Variants in TACC2 observed in about 807,000 individuals in gnomAD.
The protein encoded by TACC2 is transforming acidic coiled-coil-containing protein 2.
A neutral mutation model predicts 227.3 loss-of-function variants in TACC2; 137 were observed. The observed-to-expected ratio is 0.60, with a 90% CI of 0.52 to 0.69. The LOEUF (loss-of-function observed/expected upper bound fraction) is 0.69, where lower values mean the gene tolerates loss of function less well. TACC2 is among the 30% of genes least tolerant of loss of function. TACC2 has a pLI of 0.00. For missense variants in TACC2, 3,470 were observed against 3,694.4 expected, an observed-to-expected ratio of 0.94 and a Z score of 1.57; for synonymous variants, 1,523 against 1,487.5, an observed-to-expected ratio of 1.02 and a Z score of -0.55.
intron 3 of TACC2, among the ~76,000 whole-genome samples, chr10:122,081,178 C>T (rs748314554): frequency 7.9e-5 from 12 of 151,876 alleles, no homozygotes; most frequent in Non-Finnish European, 1.6e-4. Flanking sequence ...TTTTTTCCTA[C>T]ATTTTCCACA....
At chr10:122,128,624 T>C (rs2087354349) in intron 5 of TACC2, among the ~76,000 whole-genome samples, 2 of 152,286 alleles carry the variant, frequency 1.3e-5, no homozygotes, top group South Asian at 4.1e-4. Context: ...TTTCTGATTG[T>C]CTCCATCTCT....
intron 7 of TACC2, among the ~76,000 whole-genome samples, chr10:122,165,684 G>T (rs759522415): frequency 1.3e-5 from 2 of 152,092 alleles, no homozygotes; most frequent in East Asian, 3.8e-4. Context: ...ATATGCCCCC[G>T]CCTGAGGCTT....
At chr10:122,216,873 A>G in intron 11 of TACC2, 45 bp downstream of exon 11, 1 of 1,614,018 alleles carries the variant, frequency 6.2e-7, no homozygotes, top group Non-Finnish European at 8.5e-7. Flanking sequence ...TGCCTCGGAG[A>G]ATCCTGCCCC....
intron 3 of TACC2, among the ~76,000 whole-genome samples, chr10:122,075,483 C>T (rs2078692974): frequency 6.6e-6 from 1 of 152,200 alleles, no homozygotes; most frequent in South Asian, 2.1e-4. Context: ...CTGGCTCTCC[C>T]CATATCACCA....
chr10:122,210,907 G>A lies in TACC2; in HGVS notation c.6482G>A (p.Ser2161Asn), dbSNP rs1196937628. 4 of 1,613,644 alleles carry A rather than the reference G, an allele frequency of 2.5e-6. No individual in the cohort carries two copies. Among genetic ancestry groups the A allele is most frequent in the Non-Finnish European group, 3.4e-6 (4 of 1,179,968 alleles). ...ACGCAACAGGAGCCAGATGAAGAGA[G>A]CCTTGTCCCCAGTGGGGAGAATCTA... ...KETQQEPDEE[S>N]LVPSGENLAS... The change falls in exon 9 of 23, where the codon AGC becomes AAC. Residue 2161 changes from serine (S) to asparagine (N), a missense_variant. This residue lies in a region of TACC2 where 593 missense variants were observed against 636.6 expected (regional missense o/e 0.93). Coordinates refer to ENST00000369005, the MANE Select transcript of TACC2 (RefSeq NM_206862.4). The surrounding 1 kb of genome is among the most constrained non-coding windows in gnomAD (Gnocchi z 4.6).
At position 122,086,779 on chromosome 10, in the gene TACC2, C is replaced by T. The variant is rs1255573458; in HGVS notation, c.4279C>T (p.Pro1427Ser). ...GCCTGTGCTCGGAGCCCTGGCCACACCTGGAGAAAAGGCAGGAGCTGGGAG... is the reference window on the plus strand; with the variant it reads ...GCCTGTGCTCGGAGCCCTGGCCACATCTGGAGAAAAGGCAGGAGCTGGGAG... ...EKPVLGALATPGEKAGAGRSA... is the reference protein window; with the variant it reads ...EKPVLGALATSGEKAGAGRSA... Residue 1427 changes from proline to serine, a missense_variant, in exon 4 of 23, where the codon CCT becomes TCT. Around this residue, in one of 10 missense-constraint regions of TACC2, gnomAD observed 1,924 missense variants for 1,978.3 expected, o/e 0.97. Coordinates refer to ENST00000369005, the MANE Select transcript of TACC2 (RefSeq NM_206862.4). 3.1e-6 allele frequency: 5 copies of T among 1,614,000 alleles called. No individual in the cohort carries two copies. In the East Asian group the frequency reaches 8.9e-5, roughly 29 times the overall value.
Position 122,077,544 on chromosome 10 carries a change from C to T in TACC2, c.147-5103C>T, listed in dbSNP as rs146943993. ...AGATGCATGGCTGGGGAGCTTCATG[C>T]GGAATGAGGCAGGAGAGGGAGGTTG... On this transcript the variant is annotated intron_variant, in intron 3 of 22. Transcript: ENST00000369005. Among the ~76,000 whole-genome samples the T allele has an allele frequency of 1.4e-3, 206 of 152,140 alleles. 2 individuals are homozygous for T. Among genetic ancestry groups the T allele is most frequent in the African/African-American group, 4.7e-3 (196 of 41,528 alleles).
chr10:122,048,862 C>T (rs1291853826), intron 2 of TACC2, among the ~76,000 whole-genome samples: 2 of 152,148 alleles, frequency 1.3e-5, no homozygotes, highest in East Asian at 1.9e-4. Flanking sequence ...TTCCATGTAA[C>T]GCGAGTTCTA....
At position 122,229,198 on chromosome 10, in the gene TACC2, A is replaced by C. The variant is rs138703879; in HGVS notation, c.7897-148A>C. On this transcript the variant is annotated intron_variant, in intron 14 of 22. Transcript: ENST00000369005. ...GCATGTGGGAATTAGTCTAGATGAA[A>C]CCACAAGTAATGGCAGCTAATTGAT... The C allele has an allele frequency of 3.6e-3, 3,211 of 883,372 alleles. 11 individuals are homozygous for C. Among genetic ancestry groups the C allele is most frequent in the Non-Finnish European group, 4.6e-3 (2,603 of 569,210 alleles). 54.7% of individuals were successfully genotyped at this position (883,372 alleles called of 1,614,324 possible).
chr10:122,082,717 G>C lies in TACC2; in HGVS notation c.217G>C (p.Val73Leu). 1 of 1,614,096 alleles carries C rather than the reference G, an allele frequency of 6.2e-7. No homozygotes were observed. The highest frequency in any genetic ancestry group is 1.1e-5 in the South Asian group (1 of 91,078). Residue 73 changes from valine to leucine, a missense_variant, in exon 4 of 23, where the codon GTG becomes CTG. Around this residue, in one of 10 missense-constraint regions of TACC2, gnomAD observed 405 missense variants for 389.6 expected, o/e 1.04. Coordinates refer to ENST00000369005, the MANE Select transcript of TACC2 (RefSeq NM_206862.4). ...ESSASLDPCL[V>L]SPEVTEPRKD... ...TTCTGCCAGCCTGGATCCATGCCTTGTGTCCCCAGAGGTGACTGAGCCAAG... is the reference window on the plus strand; with the variant it reads ...TTCTGCCAGCCTGGATCCATGCCTTCTGTCCCCAGAGGTGACTGAGCCAAG...
At chr10:122,216,406 C>T (rs927784473) in intron 10 of TACC2, among the ~76,000 whole-genome samples, 8 of 150,012 alleles carry the variant, frequency 5.3e-5, no homozygotes, top group Admixed American at 1.3e-4. Flanking sequence ...AATTCATGGT[C>T]ATTCCCTGAA....
At chr10:122,024,266 T>C (rs7068115) in intron 2 of TACC2, among the ~76,000 whole-genome samples, 36,475 of 151,886 alleles carry the variant, frequency 0.24, 4,479 homozygotes, top group East Asian at 0.4. Context: ...CTCAGGATGC[T>C]GAGGTGGGAG....
chr10:122,006,325 T>A (rs957182305), intron 1 of TACC2, among the ~76,000 whole-genome samples: 1 of 152,108 alleles, frequency 6.6e-6, no homozygotes, highest in Non-Finnish European at 1.5e-5. Context: ...GGCTCACGCC[T>A]GTAGTCCCAG....
At chr10:122,216,580 G>T in intron 10 of TACC2, 47 bp from the exon 11 acceptor site, 2 of 1,587,770 alleles carry the variant, frequency 1.3e-6, no homozygotes, top group South Asian at 2.3e-5. Context: ...CACAGTTTCT[G>T]ACCAAGAGTC....
At chr10:122,046,760 A>G (rs2075053573) in intron 2 of TACC2, among the ~76,000 whole-genome samples, 1 of 152,122 alleles carries the variant, frequency 6.6e-6, no homozygotes, top group Non-Finnish European at 1.5e-5. Context: ...ACTGGGCATG[A>G]GATTTATCTG....
chr10:122,055,022 C>G (rs746796677), intron 3 of TACC2, among the ~76,000 whole-genome samples: 11 of 152,108 alleles, frequency 7.2e-5, no homozygotes, highest in Non-Finnish European at 1.6e-4. Context: ...AAGTTAGGGA[C>G]CAGCCCGGGC....
chr10:122,187,613 C>G (rs771945600), intron 7 of TACC2, among the ~76,000 whole-genome samples: 4 of 152,026 alleles, frequency 2.6e-5, no homozygotes, highest in African/African-American at 7.2e-5. Context: ...GCCTCAGCCC[C>G]GTGAGTAGCT....
intron 5 of TACC2, among the ~76,000 whole-genome samples, chr10:122,092,625 T>C (rs2080945934): frequency 6.6e-6 from 1 of 152,224 alleles, no homozygotes; most frequent in Non-Finnish European, 1.5e-5. Context: ...TTATTGTCCA[T>C]CTTATGAAGT....
chr10:122,195,075 A>G lies in TACC2; in HGVS notation c.5870A>G (p.Glu1957Gly). 1.2e-6 allele frequency: 2 copies of G among 1,613,770 alleles called. No individual in the cohort carries two copies. The highest frequency in any genetic ancestry group is 1.7e-6 in the Non-Finnish European group (2 of 1,179,828). ...SDSEEAFETP[E>G]STTPVKAPPA... The stretch of plus-strand genomic sequence containing the variant: ...TCTGAAGAGGCATTTGAGACCCCGG[A>G]GTCAACGACCCCTGTCAAAGCTCCG... The change falls in exon 8 of 23, where the codon GAG (glutamate) becomes GGG (glycine). Residue 1957 changes from glutamate (E) to glycine (G), a missense_variant. Coordinates refer to ENST00000369005, the MANE Select transcript of TACC2 (RefSeq NM_206862.4).
Sources: gnomAD v4.1 joint callset for allele counts (sites outside exome capture counted in the v4.1 genomes callset) on GRCh38, gnomAD v4.1.1 for gene constraint, gnomAD v4.1.1 regional missense constraint, Gnocchi (gnomAD v3.1) non-coding constraint, MANE v1.5 for transcripts, NCBI Gene and HGNC (gene_info 2026-07-23, HGNC 2026-07-21) for gene names.